Variants in SPMIP2 observed in about 807,000 individuals in gnomAD.
SPMIP2 encodes sperm microtubule inner protein 2.
chr4:159,040,144 A>G, the SPMIP2 span, among the ~76,000 whole-genome samples: 830 of 150,844 alleles, frequency 5.5e-3, 8 homozygotes, highest in South Asian at 0.012. Context: ...GTACTTAAAT[A>G]TGTGTGTGTG....
the SPMIP2 span, among the ~76,000 whole-genome samples, chr4:159,057,545 G>A: frequency 1.9e-4 from 29 of 152,122 alleles, no homozygotes; most frequent in Admixed American, 3.3e-4. Context: ...CACTTGGAAA[G>A]TAATTTGAAA....
At chr4:159,072,369 A>G in the SPMIP2 span, among the ~76,000 whole-genome samples, 1 of 151,356 alleles carries the variant, frequency 6.6e-6, no homozygotes, top group South Asian at 2.1e-4. Flanking sequence ...GACAACTTGG[A>G]TTTGAATGTC....
chr4:158,970,306 C>G, the SPMIP2 span, among the ~76,000 whole-genome samples: 3 of 152,080 alleles, frequency 2.0e-5, no homozygotes, highest in Non-Finnish European at 4.4e-5. Flanking sequence ...ATTGGGAGGC[C>G]GAGGTGGGAG....
At chr4:159,017,780 A>G in the SPMIP2 span, among the ~76,000 whole-genome samples, 1,127 of 152,330 alleles carry the variant, frequency 7.4e-3, 11 homozygotes, top group Middle Eastern at 0.02. Context: ...AGTGATTCAG[A>G]TGCTGGAGAA....
chr4:158,990,352 T>C, the SPMIP2 span, among the ~76,000 whole-genome samples: 1 of 152,172 alleles, frequency 6.6e-6, no homozygotes, highest in South Asian at 2.1e-4. Context: ...AGAAATATCA[T>C]TTGACTCAGC....
At chr4:158,922,167 C>T in the SPMIP2 span, among the ~76,000 whole-genome samples, 3 of 152,276 alleles carry the variant, frequency 2.0e-5, no homozygotes, top group East Asian at 1.9e-4. Context: ...GGATTACAGG[C>T]GTGAGCCACC....
the SPMIP2 span, among the ~76,000 whole-genome samples, chr4:158,965,879 A>G: frequency 6.6e-6 from 1 of 152,238 alleles, no homozygotes; most frequent in South Asian, 2.1e-4. Context: ...AAGCACTAGG[A>G]GATGGTGGGT....
the SPMIP2 span, chr4:159,064,503 A>T: frequency 6.6e-6 from 1 of 152,114 alleles, no homozygotes; most frequent in East Asian, 1.9e-4. Context: ...GAAATTCTTC[A>T]CTGTTTCTTG....
chr4:159,060,002 C>T, the SPMIP2 span, among the ~76,000 whole-genome samples: 1 of 152,212 alleles, frequency 6.6e-6, no homozygotes, highest in Non-Finnish European at 1.5e-5. Context: ...TCCCACCAGG[C>T]ACTCAGGGCA....
the SPMIP2 span, among the ~76,000 whole-genome samples, chr4:159,043,796 C>T: frequency 0.053 from 8,066 of 152,290 alleles, 321 homozygotes; most frequent in Non-Finnish European, 0.081. Flanking sequence ...GCACAATTTA[C>T]AGCAGGCTAC....
chr4:159,036,739 T>C, the SPMIP2 span, among the ~76,000 whole-genome samples: 1 of 152,218 alleles, frequency 6.6e-6, no homozygotes, highest in East Asian at 1.9e-4. Flanking sequence ...GTCGCTGTTG[T>C]GTTACTGATC....
chr4:158,915,819 TCTTTCC>T, the SPMIP2 span, among the ~76,000 whole-genome samples: 2 of 152,226 alleles, frequency 1.3e-5, no homozygotes, highest in Non-Finnish European at 2.9e-5. Flanking sequence ...AGCTTCTTCC[TCTTTCC>T]CTGGTGAGAT....
chr4:158,897,465 A>G, the SPMIP2 span, among the ~76,000 whole-genome samples: 30 of 152,334 alleles, frequency 2.0e-4, no homozygotes, highest in East Asian at 5.8e-3. Flanking sequence ...TCAACAGTGT[A>G]AAAGTGTTCC....
At chr4:159,004,289 C>CTTTTTTTTT in the SPMIP2 span, among the ~76,000 whole-genome samples, 125 of 78,918 alleles carry the variant, frequency 1.6e-3, 9 homozygotes, top group Non-Finnish European at 2.0e-3. Flanking sequence ...ACTCTGTGCT[C>CTTTTTTTTT]TTTTTTTTTT....
At chr4:158,907,795 G>A in the SPMIP2 span, 1 of 152,106 alleles carries the variant, frequency 6.6e-6, no homozygotes, top group Non-Finnish European at 1.5e-5. Context: ...ATTTTTAAAT[G>A]TCAAAATATG....
At chr4:159,070,641 T>G in the SPMIP2 span, among the ~76,000 whole-genome samples, 1 of 152,200 alleles carries the variant, frequency 6.6e-6, no homozygotes, top group Non-Finnish European at 1.5e-5. Context: ...TGGAGGTATT[T>G]CTTACCTCCT....
At chr4:159,021,004 A>T in the SPMIP2 span, among the ~76,000 whole-genome samples, 1 of 151,690 alleles carries the variant, frequency 6.6e-6, no homozygotes, top group Admixed American at 6.6e-5. Flanking sequence ...CTCGTGATCC[A>T]CCCGCCTCAG....
the SPMIP2 span, chr4:158,908,083 T>C: frequency 6.6e-6 from 1 of 152,286 alleles, no homozygotes; most frequent in Admixed American, 6.5e-5. Context: ...ATTTGTTATA[T>C]TTAATAAAAT....
the SPMIP2 span, among the ~76,000 whole-genome samples, chr4:158,975,270 T>C: frequency 7.8e-3 from 4 of 516 alleles, no homozygotes; most frequent in Admixed American, 0.2. Context: ...TGATGATAGT[T>C]TTTTTTTGCT....
Sources: allele counts gnomAD v4.1 joint callset (sites outside exome capture counted in the v4.1 genomes callset), GRCh38; gene constraint gnomAD v4.1.1; transcripts MANE v1.5; gene names NCBI Gene and HGNC (gene_info 2026-07-23, HGNC 2026-07-21).